RHOU: variants seen among roughly 807,000 people sequenced by gnomAD.
RHOU encodes the protein ras homolog family member U.
RHOU carries 8 observed loss-of-function variants against 12.6 expected under a neutral mutation model. The observed-to-expected ratio is 0.64, with a 90% CI of 0.37 to 1.15. The LOEUF is 1.15. Ranked by LOEUF, RHOU falls within the 50% of genes most tolerant of loss-of-function variation. The probability of loss-of-function intolerance (pLI) is 0.01; values close to 1 mark genes in which losing one functional copy is unlikely to be tolerated. For synonymous variants in RHOU, 161 were observed against 147.4 expected (o/e 1.09, Z -0.67); for missense variants, 258 against 347.0 (o/e 0.74, Z 2.04).
rs939154562 is a variant in RHOU at position 228,737,812 on chromosome 1, C to T, written c.321+81C>T. On this transcript the variant is annotated intron_variant, in intron 2 of 2. Coordinates refer to ENST00000366691, the MANE Select transcript of RHOU (RefSeq NM_021205.6). The surrounding 1 kb of genome is among the most constrained non-coding windows in gnomAD (Gnocchi z 4.1). ...CCAAATAACCTTTGATTCCCTCAGT[C>T]AGTAACTGGGTCATTCTAAAGCCTC... 2 of 1,438,088 alleles carry T rather than the reference C, an allele frequency of 1.4e-6. No individual in the cohort carries two copies. Among genetic ancestry groups the T allele is most frequent in the African/African-American group, 2.8e-5 (2 of 71,560 alleles). The allele number at this position is 1,438,088 out of a possible 1,614,324, so 89.1% of individuals were successfully genotyped here.
the RHOU span, among the ~76,000 whole-genome samples, chr1:228,700,575 C>A: frequency 6.6e-6 from 1 of 152,116 alleles, no homozygotes; most frequent in Non-Finnish European, 1.5e-5. Context: ...AAGCCATTAA[C>A]TGTGAACATG....
At chr1:228,688,103 G>A in the RHOU span, among the ~76,000 whole-genome samples, 2 of 151,890 alleles carry the variant, frequency 1.3e-5, no homozygotes, top group South Asian at 2.1e-4. Flanking sequence ...TGTTGTTCAC[G>A]GATGGGTCCC....
At chr1:228,665,625 A>C in the RHOU span, among the ~76,000 whole-genome samples, 1 of 152,182 alleles carries the variant, frequency 6.6e-6, no homozygotes, top group Non-Finnish European at 1.5e-5. Context: ...CACTAATATG[A>C]GTCCCAGAGT....
chr1:228,702,810 C>T, the RHOU span, among the ~76,000 whole-genome samples: 8 of 152,322 alleles, frequency 5.3e-5, no homozygotes, highest in East Asian at 5.8e-4. Flanking sequence ...GACATATAGA[C>T]ACAAGCAGGT....
the RHOU span, among the ~76,000 whole-genome samples, chr1:228,684,699 C>A: frequency 1.3e-5 from 2 of 152,076 alleles, no homozygotes; most frequent in Non-Finnish European, 2.9e-5. Flanking sequence ...GCAGCCACCC[C>A]CATAAGGCAG....
At chr1:228,687,787 T>C in the RHOU span, 26 of 1,346,460 alleles carry the variant, frequency 1.9e-5, no homozygotes, top group Non-Finnish European at 2.7e-5. Context: ...GAATACCTCT[T>C]AGACAAGCAC....
At chr1:228,678,860 T>C in the RHOU span, among the ~76,000 whole-genome samples, 3 of 151,920 alleles carry the variant, frequency 2.0e-5, no homozygotes, top group Admixed American at 2.0e-4. Flanking sequence ...TCTCTAAAAG[T>C]ATTAAGGCAG....
the RHOU span, chr1:228,652,622 A>T: frequency 6.6e-6 from 1 of 152,226 alleles, no homozygotes; most frequent in Non-Finnish European, 1.5e-5. Flanking sequence ...TTTAAAAAAA[A>T]TTTTATATTT....
At chr1:228,697,848 T>C in the RHOU span, among the ~76,000 whole-genome samples, 1 of 152,220 alleles carries the variant, frequency 6.6e-6, no homozygotes, top group African/African-American at 2.4e-5. Flanking sequence ...GAGTGTTTTG[T>C]ACCACAAGAT....
At chr1:228,729,579 T>C in the RHOU span, among the ~76,000 whole-genome samples, 1 of 152,182 alleles carries the variant, frequency 6.6e-6, no homozygotes, top group Non-Finnish European at 1.5e-5. Context: ...GCAAGAAGAC[T>C]GCATCCCTGA....
chr1:228,679,590 A>G, the RHOU span, among the ~76,000 whole-genome samples: 1 of 152,090 alleles, frequency 6.6e-6, no homozygotes, highest in Non-Finnish European at 1.5e-5. Context: ...ACTAAAATGT[A>G]AGGCTTGTCC....
At chr1:228,680,260 C>T in the RHOU span, among the ~76,000 whole-genome samples, 2 of 152,120 alleles carry the variant, frequency 1.3e-5, no homozygotes, top group South Asian at 2.1e-4. Flanking sequence ...TGGGTTTGGG[C>T]TCCAGGGGCT....
At chr1:228,706,779 T>C in the RHOU span, among the ~76,000 whole-genome samples, 1 of 152,146 alleles carries the variant, frequency 6.6e-6, no homozygotes. Flanking sequence ...TAATAATTTG[T>C]ATATGTTAGC....
the RHOU span, among the ~76,000 whole-genome samples, chr1:228,682,487 T>C: frequency 2.0e-5 from 3 of 152,226 alleles, no homozygotes; most frequent in Non-Finnish European, 4.4e-5. Flanking sequence ...TCATTAGTTC[T>C]TGCAGGTTTT....
At chr1:228,699,066 A>T in the RHOU span, among the ~76,000 whole-genome samples, 1 of 151,690 alleles carries the variant, frequency 6.6e-6, no homozygotes, top group African/African-American at 2.4e-5. Context: ...GGTTATCCTC[A>T]GTCGGTGGGC....
intron 2 of RHOU, among the ~76,000 whole-genome samples, chr1:228,742,737 G>T (rs1662749705): frequency 6.6e-6 from 1 of 152,212 alleles, no homozygotes; most frequent in Non-Finnish European, 1.5e-5. Context: ...TGTGCATAGT[G>T]TGGGCAGAGC....
chr1:228,650,474 G>A, the RHOU span: 1 of 456,512 alleles, frequency 2.2e-6, no homozygotes, highest in Non-Finnish European at 4.4e-6. Flanking sequence ...CTGCAGGAGG[G>A]CAGCATCCTG....
At chr1:228,673,490 TC>T in the RHOU span, among the ~76,000 whole-genome samples, 1 of 152,124 alleles carries the variant, frequency 6.6e-6, no homozygotes, top group Non-Finnish European at 1.5e-5. Flanking sequence ...TAAATTGTAA[TC>T]CCCAGTATCG....
the RHOU span, among the ~76,000 whole-genome samples, chr1:228,695,163 T>G: frequency 2.0e-5 from 3 of 151,910 alleles, no homozygotes; most frequent in Admixed American, 6.6e-5. Flanking sequence ...AGAGATGGGG[T>G]TTTGGTATGT....
Sources: allele counts gnomAD v4.1 joint callset (sites outside exome capture counted in the v4.1 genomes callset), GRCh38; gene constraint gnomAD v4.1.1; non-coding constraint Gnocchi (gnomAD v3.1); transcripts MANE v1.5; gene names NCBI Gene and HGNC (gene_info 2026-07-23, HGNC 2026-07-21).